The following F10 variants were observed in gnomAD, a reference collection of about 807,000 sequenced individuals.
F10 encodes Stuart-Prower factor.
F10 carries 29 observed loss-of-function variants against 37.1 expected under a neutral mutation model. The observed-to-expected ratio is 0.78, with a 90% CI of 0.58 to 1.07. The LOEUF (loss-of-function observed/expected upper bound fraction) is 1.07, where lower values mean the gene tolerates loss of function less well. F10 is among the 50% of genes least tolerant of loss of function. The probability of loss-of-function intolerance (pLI) is 0.00; values close to 1 mark genes in which losing one functional copy is unlikely to be tolerated. For missense variants in F10, 539 were observed against 667.9 expected (o/e 0.81, Z 2.13); for synonymous variants, 262 against 268.6 (o/e 0.98, Z 0.24).
chr13:113,140,733 T>A (rs1270371181), intron 4 of F10, 186 bp from the exon 5 acceptor site: 1 of 829,438 alleles, frequency 1.2e-6, no homozygotes. Flanking sequence ...CACTGCACCA[T>A]GAGCTCCCCG....
chr13:113,134,070 T>G lies in F10; in HGVS notation c.232-4387T>G, dbSNP rs576789008. Among the ~76,000 whole-genome samples, 10 of 152,316 alleles carry G rather than the reference T, an allele frequency of 6.6e-5. No individual in the cohort carries two copies. The South Asian group carries it at 2.1e-3, about 32-fold the overall frequency. On this transcript the variant is annotated intron_variant, in intron 2 of 7. Transcript: ENST00000375559. ...TCTACAAAGAGTCTACAGTTGATAT[T>G]ATACTTAAAGGTGAAAACTGAAGGT...
At chr13:113,129,125 ACT>A (rs1369176996) in intron 1 of F10, among the ~76,000 whole-genome samples, 2 of 151,934 alleles carry the variant, frequency 1.3e-5, no homozygotes, top group African/African-American at 2.4e-5. Flanking sequence ...TGCTACAAAG[ACT>A]CTGTTTGGTC....
At chr13:113,140,416 T>C (rs762969218) in intron 4 of F10, 44 of 429,200 alleles carry the variant, frequency 1.0e-4, no homozygotes, top group Non-Finnish European at 2.0e-4. Flanking sequence ...TTAGATTGGA[T>C]TACTTTTGAG....
At position 113,138,475 on chromosome 13, in the gene F10, T is replaced by C. The variant is rs1453683075; in HGVS notation, c.250T>C (p.Tyr84His). The C allele has an allele frequency of 1.4e-5, 20 of 1,401,372 alleles. No homozygotes were observed. The highest frequency in any genetic ancestry group is 2.0e-5 in the Non-Finnish European group (20 of 991,478). The allele number at this position is 1,401,372 out of a possible 1,614,324, so 86.8% of individuals were successfully genotyped here. A position where few individuals can be genotyped will look rare whatever the true frequency, so the allele number is the denominator to read the frequency against. ...CTTTTAGAATGAATTCTGGAATAAA[T>C]ACAAAGGTCAGTATTTTTTCTGTTT... is the stretch of plus-strand genomic sequence containing the variant. ...SDKTNEFWNK[Y>H]KDGDQCETSP... The change falls in exon 3 of 8, where the codon TAC becomes CAC. Residue 84 changes from tyrosine (Y) to histidine (H), a missense_variant. Physicochemically the swap from Tyr to His is moderately conservative, Grantham distance 83. Around this residue, in one of 2 missense-constraint regions of F10, gnomAD observed 130 missense variants for 120.0 expected, o/e 1.08. Transcript: ENST00000375559.
chr13:113,136,155 T>C (rs2036476240), intron 2 of F10, among the ~76,000 whole-genome samples: 1 of 152,106 alleles, frequency 6.6e-6, no homozygotes, highest in Admixed American at 6.6e-5. Context: ...CATTATTAGC[T>C]CTTACAGAAA....
chr13:113,148,345 A>AAAAAATATATATATATATATAT (rs1300922846), intron 7 of F10, among the ~76,000 whole-genome samples: 1 of 95,434 alleles, frequency 1.0e-5, no homozygotes, highest in African/African-American at 4.0e-5. Context: ...AAAAAAAAAA[A>AAAAAATATATATATATATATAT]ATATATATAT....
At chr13:113,125,978 G>C (rs969208270) in intron 1 of F10, among the ~76,000 whole-genome samples, 26 of 152,282 alleles carry the variant, frequency 1.7e-4, no homozygotes, top group South Asian at 4.2e-4. Context: ...TGTCTCGGAG[G>C]GCGCTGGGCC....
chr13:113,136,679 C>T (rs1202010040), intron 2 of F10, among the ~76,000 whole-genome samples: 571 of 6,034 alleles, frequency 0.095, 14 homozygotes, highest in Admixed American at 0.16. Context: ...GAGACGGAGT[C>T]TCGCTCTGTC....
At chr13:113,137,077 G>A (rs1294358373) in intron 2 of F10, among the ~76,000 whole-genome samples, 12 of 152,328 alleles carry the variant, frequency 7.9e-5, no homozygotes, top group Middle Eastern at 6.8e-3. Context: ...GAGGCACCAC[G>A]CCTGGCCAGC....
chr13:113,146,894 G>T lies in F10; in HGVS notation c.748-485G>T, dbSNP rs1166302991. ...CCTGGCAGGTAGGAGACCCTTCACA[G>T]GAGCTGCCACAGGGACCCCCAGGAA... On this transcript the variant is annotated intron_variant, in intron 6 of 7. Transcript: ENST00000375559. This position sits in a 1 kb window ranked among gnomAD's most constrained non-coding sequence, Gnocchi z 4.5. 6.6e-6 allele frequency among the ~76,000 whole-genome samples: 1 copy of T among 152,158 alleles called. No individual in the cohort carries two copies. Among genetic ancestry groups the T allele is most frequent in the African/African-American group, 2.4e-5 (1 of 41,442 alleles).
intron 5 of F10, among the ~76,000 whole-genome samples, chr13:113,142,932 C>CAA (rs761666003): frequency 2.3e-5 from 3 of 132,326 alleles, no homozygotes; most frequent in South Asian, 2.4e-4. Context: ...AACTCCATCT[C>CAA]AAAAAAAAAA....
Position 113,143,686 on chromosome 13 carries a change from A to G in F10, c.503-165A>G, listed in dbSNP as rs1011357725. On this transcript the variant is annotated intron_variant, in intron 5 of 7. Coordinates refer to ENST00000375559, the MANE Select transcript of F10 (RefSeq NM_000504.4). The surrounding 1 kb of genome is among the most constrained non-coding windows in gnomAD (Gnocchi z 6.8). ...ACAGCTGCGCTCACCTGCAGATCCG[A>G]CCCCTGCCGACGACGTGGGGCCTCG... is the stretch of plus-strand genomic sequence containing the variant. 6.6e-6 allele frequency among the ~76,000 whole-genome samples: 1 copy of G among 151,076 alleles called. No individual in the cohort carries two copies. The highest frequency in any genetic ancestry group is 2.4e-5 in the African/African-American group (1 of 41,018).
intron 2 of F10, among the ~76,000 whole-genome samples, chr13:113,135,235 C>T (rs550261104): frequency 5.6e-4 from 84 of 150,322 alleles, no homozygotes; most frequent in African/African-American, 1.9e-3. Flanking sequence ...AAGAGCGAAA[C>T]TCTGTCTCCA....
Position 113,149,127 on chromosome 13 carries a change from G to T in F10, c.1077G>T (p.Gly359=). The T allele has an allele frequency of 6.2e-7, 1 of 1,613,066 alleles. No individual in the cohort carries two copies. Among genetic ancestry groups the T allele is most frequent in the Non-Finnish European group, 8.5e-7 (1 of 1,180,002 alleles). The change falls in exon 8 of 8, where the codon GGG becomes GGT. Residue 359 remains glycine (G), a synonymous_variant. Transcript: ENST00000375559. The surrounding 1 kb of genome is among the most constrained non-coding windows in gnomAD (Gnocchi z 7.5). ...AESTLMTQKT[G]IVSGFGRTHE... ...CCACGCTGATGACGCAGAAGACGGGGATTGTGAGCGGCTTCGGGCGCACCC... is the reference window on the plus strand; with the variant it reads ...CCACGCTGATGACGCAGAAGACGGGTATTGTGAGCGGCTTCGGGCGCACCC...
At chr13:113,127,174 A>T (rs1175044685) in intron 1 of F10, among the ~76,000 whole-genome samples, 4 of 152,214 alleles carry the variant, frequency 2.6e-5, no homozygotes, top group African/African-American at 9.7e-5. Flanking sequence ...CAGCTCTAAG[A>T]GTAGATATTA....
intron 7 of F10, among the ~76,000 whole-genome samples, chr13:113,147,837 C>A (rs1172177069): frequency 6.6e-6 from 1 of 152,090 alleles, no homozygotes; most frequent in Admixed American, 6.5e-5. Context: ...TCCAGACCTC[C>A]CTTTCTCTTT....
Position 113,149,097 on chromosome 13 carries a change from C to A in F10, c.1047C>A (p.Ala349=). The A allele has an allele frequency of 6.2e-7, 1 of 1,613,154 alleles. No individual in the cohort carries two copies. The highest frequency in any genetic ancestry group is 8.5e-7 in the Non-Finnish European group (1 of 1,179,992). Residue 349 remains alanine (A), a synonymous_variant, in exon 8 of 8, where the codon GCC becomes GCA. Coordinates refer to ENST00000375559, the MANE Select transcript of F10 (RefSeq NM_000504.4). This position sits in a 1 kb window ranked among gnomAD's most constrained non-coding sequence, Gnocchi z 7.5. The part of the protein sequence containing the change: ...APACLPERDW[A]ESTLMTQKTG... ...CCTGCCTCCCCGAGCGTGACTGGGC[C>A]GAGTCCACGCTGATGACGCAGAAGA...
chr13:113,126,721 C>T (rs774940773), intron 1 of F10, among the ~76,000 whole-genome samples: 55 of 152,208 alleles, frequency 3.6e-4, no homozygotes, highest in Non-Finnish European at 6.9e-4. Context: ...AGGCAGAACG[C>T]GGTCTTCAGA....
intron 2 of F10, among the ~76,000 whole-genome samples, chr13:113,132,746 C>T (rs537096499): frequency 6.6e-6 from 1 of 152,236 alleles, no homozygotes; most frequent in Non-Finnish European, 1.5e-5. Context: ...CCAGACATCA[C>T]TTGACCTGAA....
Sources: gnomAD v4.1 joint callset for allele counts (sites outside exome capture counted in the v4.1 genomes callset) on GRCh38, gnomAD v4.1.1 for gene constraint, gnomAD v4.1.1 regional missense constraint, Gnocchi (gnomAD v3.1) non-coding constraint, MANE v1.5 for transcripts, NCBI Gene and HGNC (gene_info 2026-07-23, HGNC 2026-07-21) for gene names.